PATJ: variants seen among roughly 807,000 people sequenced by gnomAD.
PATJ encodes PATJ crumbs cell polarity complex component.
A neutral mutation model predicts 224.9 loss-of-function variants in PATJ; 190 were observed. That is an observed-to-expected ratio of 0.84 (90% CI 0.75 to 0.95). The LOEUF (loss-of-function observed/expected upper bound fraction) is 0.95. PATJ is among the 40% of genes least tolerant of loss of function. The pLI, the probability that PATJ is intolerant of heterozygous loss-of-function variation, is 0.00. For missense variants in PATJ, 2,121 were observed against 2,270.3 expected, an observed-to-expected ratio of 0.93 and a Z score of 1.34; for synonymous variants, 769 against 820.3, an observed-to-expected ratio of 0.94 and a Z score of 1.07.
At chr1:61,903,476 TATA>T (rs1671466231) in intron 24 of PATJ, among the ~76,000 whole-genome samples, 1 of 152,194 alleles carries the variant, frequency 6.6e-6, no homozygotes, top group African/African-American at 2.4e-5. Flanking sequence ...TTGACATCCA[TATA>T]ATAATAGTCA....
intron 14 of PATJ, 150 bp downstream of exon 14, chr1:61,808,680 G>C (rs1380545588): frequency 3.7e-6 from 2 of 547,752 alleles, no homozygotes; most frequent in Non-Finnish European, 6.5e-6. Flanking sequence ...TGGAGCCACT[G>C]AACTCGGCCC....
intron 27 of PATJ, among the ~76,000 whole-genome samples, chr1:61,963,846 T>G (rs1681678212): frequency 6.6e-6 from 1 of 152,138 alleles, no homozygotes; most frequent in Admixed American, 6.5e-5. Flanking sequence ...CAGCACACAT[T>G]ATCCCTTTTT....
intron 41 of PATJ, among the ~76,000 whole-genome samples, chr1:62,142,788 G>A (rs564329383): frequency 5.3e-5 from 8 of 152,262 alleles, no homozygotes; most frequent in South Asian, 2.1e-4. Context: ...GGAATTCCCC[G>A]CCTGGAGAGG....
At chr1:61,772,714 A>G (rs1262968452) in intron 6 of PATJ, among the ~76,000 whole-genome samples, 1 of 152,212 alleles carries the variant, frequency 6.6e-6, no homozygotes, top group East Asian at 1.9e-4. Flanking sequence ...TGTTTAACGT[A>G]TAAAGAACAA....
intron 16 of PATJ, 107 bp downstream of exon 16, chr1:61,827,690 T>C (rs1658522628): frequency 2.9e-6 from 3 of 1,035,378 alleles, no homozygotes; most frequent in Non-Finnish European, 1.3e-6. Context: ...CACTCTGCTC[T>C]TTTTTTGCTT....
intron 10 of PATJ, among the ~76,000 whole-genome samples, chr1:61,796,490 T>C (rs1203897172): frequency 6.6e-6 from 1 of 152,212 alleles, no homozygotes; most frequent in East Asian, 1.9e-4. Flanking sequence ...CCATCTTTTA[T>C]GGCATTTTGA....
intron 33 of PATJ, among the ~76,000 whole-genome samples, chr1:62,106,136 A>ATG (rs1662964149): frequency 1.4e-5 from 1 of 72,788 alleles, no homozygotes; most frequent in African/African-American, 5.1e-5. Context: ...ACATATATAC[A>ATG]TGTGTATATG....
chr1:62,007,267 G>A (rs1250417969), intron 28 of PATJ, among the ~76,000 whole-genome samples: 1 of 152,182 alleles, frequency 6.6e-6, no homozygotes, highest in African/African-American at 2.4e-5. Context: ...GTCTTTCAGG[G>A]ACTAGGCATC....
intron 25 of PATJ, among the ~76,000 whole-genome samples, chr1:61,909,006 G>GTCTTGCTC (rs1225548191): frequency 6.6e-6 from 1 of 152,100 alleles, no homozygotes; most frequent in Non-Finnish European, 1.5e-5. Flanking sequence ...TTGAGATGGA[G>GTCTTGCTC]TCTTGCTCTG....
At chr1:61,762,992 A>C in intron 2 of PATJ, 21 bp from the exon 3 acceptor site, 4 of 1,594,850 alleles carry the variant, frequency 2.5e-6, no homozygotes, top group Non-Finnish European at 3.4e-6. Context: ...CTATTACTCT[A>C]CTTATTCATC....
intron 1 of PATJ, among the ~76,000 whole-genome samples, chr1:61,762,151 G>T (rs1411583674): frequency 1.3e-5 from 2 of 152,086 alleles, no homozygotes; most frequent in Admixed American, 6.6e-5. Flanking sequence ...GTCATATTTT[G>T]GGAGTAGCAT....
intron 33 of PATJ, among the ~76,000 whole-genome samples, chr1:62,100,086 GC>G (rs1366890494): frequency 1.3e-5 from 2 of 151,600 alleles, no homozygotes; most frequent in African/African-American, 4.8e-5. Context: ...TTTTTGTGGG[GC>G]TCAGTGATAA....
chr1:61,965,511 T>C (rs962647387), intron 27 of PATJ, among the ~76,000 whole-genome samples: 2 of 152,250 alleles, frequency 1.3e-5, no homozygotes, highest in African/African-American at 4.8e-5. Flanking sequence ...AATGGTTCTC[T>C]AACTCTCACT....
intron 11 of PATJ, among the ~76,000 whole-genome samples, chr1:61,800,892 C>A (rs1203941741): frequency 6.6e-6 from 1 of 152,130 alleles, no homozygotes; most frequent in Non-Finnish European, 1.5e-5. Context: ...CACCCATGTC[C>A]CTACAAAGGA....
intron 33 of PATJ, among the ~76,000 whole-genome samples, chr1:62,087,608 A>T (rs1182874487): frequency 1.3e-5 from 2 of 151,596 alleles, no homozygotes; most frequent in South Asian, 2.1e-4. Context: ...TGCCTTTTAC[A>T]TGTTTGCTGG....
At chr1:61,871,994 C>T (rs2149008930) in intron 20 of PATJ, among the ~76,000 whole-genome samples, 1 of 152,152 alleles carries the variant, frequency 6.6e-6, no homozygotes, top group Admixed American at 6.5e-5. Context: ...GCTTGAGCCA[C>T]TGCTCCCAGC....
chr1:61,803,229 A>G (rs973921288), intron 12 of PATJ, among the ~76,000 whole-genome samples: 2 of 152,208 alleles, frequency 1.3e-5, no homozygotes, highest in South Asian at 4.1e-4. Flanking sequence ...TAAATGCTAC[A>G]TGACCTTTTA....
Position 61,952,194 on chromosome 1 carries a change from A to G in PATJ, c.3670+24365A>G, listed in dbSNP as rs1679786211. On this transcript the variant is annotated intron_variant, in intron 27 of 43. Transcript: ENST00000642238. ...TGAGGACTAGCTTGAAATTAGCTTA[A>G]TTGATTGCTTTTCCTGATATAAATA... The G allele has an allele frequency of 6.2e-6, 3 of 487,164 alleles. No homozygotes were observed. The South Asian group carries it at 1.3e-4, about 21-fold the overall frequency. 30.2% of individuals were successfully genotyped at this position (487,164 alleles called of 1,614,324 possible). A position where few individuals can be genotyped will look rare whatever the true frequency, so the allele number is the denominator to read the frequency against.
At chr1:61,905,284 C>T (rs1328061912) in intron 24 of PATJ, among the ~76,000 whole-genome samples, 1 of 152,206 alleles carries the variant, frequency 6.6e-6, no homozygotes, top group East Asian at 1.9e-4. Flanking sequence ...GATGAGCTAG[C>T]TATCTTGGGT....
Sources: gnomAD v4.1 joint callset for allele counts (sites outside exome capture counted in the v4.1 genomes callset) on GRCh38, gnomAD v4.1.1 for gene constraint, MANE v1.5 for transcripts, NCBI Gene and HGNC (gene_info 2026-07-23, HGNC 2026-07-21) for gene names.